The following NSD3 variants were observed in gnomAD, a reference collection of about 807,000 sequenced individuals.
The protein encoded by NSD3 is histone-lysine N-methyltransferase NSD3.
A neutral mutation model predicts 160.8 loss-of-function variants in NSD3; 24 were observed. The ratio of observed to expected loss-of-function variants is 0.15; its 90% CI spans 0.11 to 0.21. The LOEUF (loss-of-function observed/expected upper bound fraction) is 0.21, where lower values mean the gene tolerates loss of function less well. Among genes scored for constraint, NSD3 ranks in the 10% least tolerant of loss-of-function variants. The pLI is 1.00. For synonymous variants in NSD3, 520 were observed against 600.0 expected (o/e 0.87, Z 1.95); for missense variants, 1,157 against 1,735.9 (o/e 0.67, Z 5.93).
At chr8:38,289,570 G>T in intron 17 of NSD3, 65 bp from the exon 18 acceptor site, 2 of 1,402,762 alleles carry the variant, frequency 1.4e-6, no homozygotes, top group Admixed American at 2.0e-5. Context: ...TGGGATAGTA[G>T]TTTTACGCTG....
chr8:38,296,656 TTC>T (rs377428661), intron 15 of NSD3, among the ~76,000 whole-genome samples: 108 of 142,508 alleles, frequency 7.6e-4, no homozygotes, highest in African/African-American at 2.7e-3. Context: ...AAACCTCTCT[TTC>T]TCTCTCTCTC....
At chr8:38,292,859 C>T (rs989557017) in intron 16 of NSD3, among the ~76,000 whole-genome samples, 8 of 151,992 alleles carry the variant, frequency 5.3e-5, no homozygotes, top group African/African-American at 1.9e-4. Flanking sequence ...GTAATCCCAG[C>T]TACTTGGGAG....
At chr8:38,354,774 C>A (rs1328556554) in intron 1 of NSD3, among the ~76,000 whole-genome samples, 2 of 151,614 alleles carry the variant, frequency 1.3e-5, no homozygotes, top group African/African-American at 4.8e-5. Context: ...GGAAGAAGTA[C>A]TAAAAATAAA....
At chr8:38,307,069 C>G (rs111767770) in intron 12 of NSD3, among the ~76,000 whole-genome samples, 1 of 148,258 alleles carries the variant, frequency 6.7e-6, no homozygotes, top group Admixed American at 6.8e-5. Context: ...GAGCCGAAAT[C>G]GCGCCACCGC....
At chr8:38,374,886 C>T (rs1811350241) in intron 1 of NSD3, among the ~76,000 whole-genome samples, 1 of 152,104 alleles carries the variant, frequency 6.6e-6, no homozygotes, top group South Asian at 2.1e-4. Context: ...CGCCTGTAGT[C>T]CCAGCTACTC....
At chr8:38,360,292 T>C (rs1231204258) in intron 1 of NSD3, among the ~76,000 whole-genome samples, 1 of 152,148 alleles carries the variant, frequency 6.6e-6, no homozygotes, top group Non-Finnish European at 1.5e-5. Flanking sequence ...TCCAAATAAT[T>C]TCTTAAATTC....
In NSD3 at chr8:38,275,735, T is replaced by C; in HGVS notation, c.4220A>G (p.Glu1407Gly). The C allele has an allele frequency of 6.2e-7, 1 of 1,614,200 alleles. No individual in the cohort carries two copies. The highest frequency in any genetic ancestry group is 1.1e-5 in the South Asian group (1 of 91,078). Residue 1407 changes from glutamate (E) to glycine (G), a missense_variant, in exon 24 of 24, where the codon GAA becomes GGA. Transcript: ENST00000317025. The part of the protein sequence containing the change: ...SALEGRLCCS[E>G]HDPMAPVSPE... Reference sequence around the variant, plus strand: ...TGACACAGGAGCCATGGGGTCATGTTCCGAGCAGCAGAGGCGGCCTTCCAG... The same window carrying C: ...TGACACAGGAGCCATGGGGTCATGTCCCGAGCAGCAGAGGCGGCCTTCCAG...
intron 23 of NSD3, 140 bp downstream of exon 23, chr8:38,276,156 G>A (rs1585847123): frequency 3.1e-5 from 31 of 999,926 alleles, no homozygotes; most frequent in Non-Finnish European, 4.3e-5. Context: ...TGTGTAAGGG[G>A]AAAGATTTTT....
intron 12 of NSD3, among the ~76,000 whole-genome samples, chr8:38,309,882 G>A (rs923250408): frequency 1.3e-5 from 2 of 152,164 alleles, no homozygotes; most frequent in African/African-American, 4.8e-5. Flanking sequence ...CATGTGAAGT[G>A]TTTATCTTTT....
At chr8:38,374,935 C>A (rs1475336044) in intron 1 of NSD3, among the ~76,000 whole-genome samples, 2 of 151,916 alleles carry the variant, frequency 1.3e-5, no homozygotes, top group Non-Finnish European at 2.9e-5. Flanking sequence ...ACACGGGAGG[C>A]GGAGCTTGCA....
At chr8:38,284,114 C>A (rs938862275) in intron 19 of NSD3, among the ~76,000 whole-genome samples, 3 of 152,012 alleles carry the variant, frequency 2.0e-5, no homozygotes, top group East Asian at 1.9e-4. Context: ...GAAAAAAAAA[C>A]AAACCAAAAT....
Position 38,278,260 on chromosome 8 carries a change from A to G in NSD3, c.3867+46T>C, listed in dbSNP as rs200710891. 1.8e-4 allele frequency: 289 copies of G among 1,564,044 alleles called. 1 individual carries two copies. In the East Asian group the frequency reaches 6.0e-3, roughly 33 times the overall value. On this transcript the variant is annotated intron_variant, in intron 22 of 23. Transcript: ENST00000317025. The stretch of plus-strand genomic sequence containing the variant: ...GCCAAACAGACTTCTTAACAGCCCT[A>G]CTCCTTATCGCCTGTTGACTGGGGG...
intron 4 of NSD3, among the ~76,000 whole-genome samples, chr8:38,333,590 G>A (rs955207701): frequency 1.3e-5 from 2 of 152,174 alleles, no homozygotes; most frequent in East Asian, 1.9e-4. Flanking sequence ...ACTAATGGCC[G>A]GGCGCGGTGG....
rs1042587147 is a variant in NSD3, at chr8:38,272,320, TAAGATAAGAGTG to T, written c.*3309_*3320del. On this transcript the variant is annotated 3_prime_UTR_variant, in exon 24 of 24. Coordinates refer to ENST00000317025, the MANE Select transcript of NSD3 (RefSeq NM_023034.2). The stretch of plus-strand genomic sequence containing the variant: ...ATGAGGCCAGATCATTTTTGAGAAT[TAAGATAAGAGTG>T]GGAACTTGTTAAAACAAAAATGAAA... 3 of 152,024 alleles carry T rather than the reference TAAGATAAGAGTG, an allele frequency of 2.0e-5. No homozygotes were observed. The highest frequency in any genetic ancestry group is 4.4e-5 in the Non-Finnish European group (3 of 67,964). The allele number at this position is 152,024 out of a possible 1,614,324, so 9.4% of individuals were successfully genotyped here.
Position 38,290,476 on chromosome 8 carries a change from C to A in NSD3, c.3117G>T (p.Lys1039Asn), listed in dbSNP as rs200851092. The change falls in exon 17 of 24, where the codon AAG (lysine) becomes AAT (asparagine). Residue 1039 changes from lysine to asparagine, a missense_variant and splice_region_variant. Physicochemically the swap from Lys to Asn is moderately conservative, Grantham distance 94 (BLOSUM62 0). Coordinates refer to ENST00000317025, the MANE Select transcript of NSD3 (RefSeq NM_023034.2). ...GQTSINKTFK[K>N]ALEEAAKRFQ... ...CACTGTAAACATCATCCAGCTTACC[C>A]TTTTTGAAGGTCTTGTTAATACTAG... 2.8e-5 allele frequency: 45 copies of A among 1,613,932 alleles called. No individual in the cohort carries two copies. Among genetic ancestry groups the A allele is most frequent in the Non-Finnish European group, 3.7e-5 (44 of 1,179,988 alleles).
rs1413247488 is a variant in NSD3 at position 38,273,458 on chromosome 8, A to C, written c.*2183T>G. 6.6e-6 allele frequency: 1 copy of C among 152,234 alleles called. No individual in the cohort carries two copies. Among genetic ancestry groups the C allele is most frequent in the East Asian group, 1.9e-4 (1 of 5,206 alleles). 9.4% of individuals were successfully genotyped at this position (152,234 alleles called of 1,614,324 possible). ...GAAACCTAAGGTATCTGTAGTATAT[A>C]GGATGTACCCTGGCTTACCATAGAA... On this transcript the variant is annotated 3_prime_UTR_variant, in exon 24 of 24. Coordinates refer to ENST00000317025, the MANE Select transcript of NSD3 (RefSeq NM_023034.2).
In NSD3 at chr8:38,329,189, G is replaced by A. The variant is rs1585891401; in HGVS notation, c.1581+189C>T. On this transcript the variant is annotated intron_variant, in intron 6 of 23. Transcript: ENST00000317025. This position sits in a 1 kb window ranked among gnomAD's most constrained non-coding sequence, Gnocchi z 4.8. Reference sequence around the variant, plus strand: ...ACAGATGGGAAAATCACAAAAGAAGGGGATAAAAAAGAAGAAAAACATAGC... The same window carrying A: ...ACAGATGGGAAAATCACAAAAGAAGAGGATAAAAAAGAAGAAAAACATAGC... 2.6e-5 allele frequency among the ~76,000 whole-genome samples: 4 copies of A among 152,164 alleles called. No individual in the cohort carries two copies. The highest frequency in any genetic ancestry group is 2.6e-4 in the Admixed American group (4 of 15,288).
At chr8:38,280,385 G>A (rs775377817) in intron 20 of NSD3, among the ~76,000 whole-genome samples, 1 of 152,056 alleles carries the variant, frequency 6.6e-6, no homozygotes, top group South Asian at 2.1e-4. Context: ...CATAAAGAAC[G>A]ACATTTTAAC....
At position 38,273,652 on chromosome 8, in the gene NSD3, G is replaced by A. The variant is rs1248256097; in HGVS notation, c.*1989C>T. 1.3e-5 allele frequency: 2 copies of A among 152,104 alleles called. No individual in the cohort carries two copies. The highest frequency in any genetic ancestry group is 4.8e-5 in the African/African-American group (2 of 41,422). 9.4% of individuals were successfully genotyped at this position (152,104 alleles called of 1,614,324 possible). On this transcript the variant is annotated 3_prime_UTR_variant, in exon 24 of 24. Transcript: ENST00000317025. ...TAAAATTTTAGTATGATAAAACCTAGCTTTTCTTATTTTTTAAAAGGACAT... is the reference window on the plus strand; with the variant it reads ...TAAAATTTTAGTATGATAAAACCTAACTTTTCTTATTTTTTAAAAGGACAT...
Sources: gnomAD v4.1 joint callset for allele counts (sites outside exome capture counted in the v4.1 genomes callset) on GRCh38, gnomAD v4.1.1 for gene constraint, Gnocchi (gnomAD v3.1) non-coding constraint, MANE v1.5 for transcripts, NCBI Gene and HGNC (gene_info 2026-07-23, HGNC 2026-07-21) for gene names.